Variants in MAPK10 observed in about 807,000 individuals in gnomAD.
MAPK10 encodes mitogen-activated protein kinase 10, also known as JNK3 alpha protein kinase.
MAPK10 carries 25 observed loss-of-function variants against 59.3 expected under a neutral mutation model. That is an observed-to-expected ratio of 0.42 (90% CI 0.31 to 0.59). MAPK10 has a LOEUF of 0.59. Ranked by LOEUF, MAPK10 falls within the 20% of genes least tolerant of loss-of-function variation. MAPK10 has a pLI of 0.15. For synonymous variants in MAPK10, 190 were observed against 200.5 expected (o/e 0.95, Z 0.44); for missense variants, 351 against 568.9 (o/e 0.62, Z 3.90).
At chr4:86,423,675 G>A (rs1746824289) in intron 1 of MAPK10, among the ~76,000 whole-genome samples, 1 of 150,550 alleles carries the variant, frequency 6.6e-6, no homozygotes, top group African/African-American at 2.4e-5. Flanking sequence ...GCATGAGAAT[G>A]GTGTGAGACT....
intron 1 of MAPK10, among the ~76,000 whole-genome samples, chr4:86,367,816 C>G (rs1339929092): frequency 6.6e-6 from 1 of 152,028 alleles, no homozygotes; most frequent in Non-Finnish European, 1.5e-5. Context: ...TGCAGGAACA[C>G]AGAATCCAGT....
In MAPK10 at chr4:86,045,075, T is replaced by G. The variant is rs1046096925; in HGVS notation, c.1111-13644A>C. Reference sequence around the variant, plus strand: ...TGCAAATTTTAATTATGATCTGAACTGAGTGTAATTAGAAAGCTTAATTAC... The same window carrying G: ...TGCAAATTTTAATTATGATCTGAACGGAGTGTAATTAGAAAGCTTAATTAC... On this transcript the variant is annotated intron_variant, in intron 11 of 13. Coordinates refer to ENST00000641462, the MANE Select transcript of MAPK10 (RefSeq NM_138982.4). Among the ~76,000 whole-genome samples the G allele has an allele frequency of 2.0e-5, 3 of 152,234 alleles. No homozygotes were observed. In the East Asian group the frequency reaches 5.8e-4, roughly 29 times the overall value.
At chr4:86,211,282 A>AATTAAAATGT (rs2085730597) in intron 2 of MAPK10, among the ~76,000 whole-genome samples, 2 of 152,118 alleles carry the variant, frequency 1.3e-5, no homozygotes, top group Non-Finnish European at 2.9e-5. Context: ...GACACATTAA[A>AATTAAAATGT]ATTAAAATGT....
chr4:86,431,211 A>G (rs1268132987), intron 1 of MAPK10, among the ~76,000 whole-genome samples: 1 of 152,230 alleles, frequency 6.6e-6, no homozygotes, highest in Non-Finnish European at 1.5e-5. Context: ...CAAAGAGCTA[A>G]TTCCAATAAT....
At chr4:86,353,918 A>G (rs1466575753) in intron 2 of MAPK10, among the ~76,000 whole-genome samples, 1 of 152,188 alleles carries the variant, frequency 6.6e-6, no homozygotes. Context: ...TTAAAAAGAC[A>G]TTCTACCTGT....
chr4:86,322,154 A>G (rs1451803859), intron 2 of MAPK10: 1 of 152,254 alleles, frequency 6.6e-6, no homozygotes, highest in Non-Finnish European at 1.5e-5. Flanking sequence ...ATGTTTAAGC[A>G]GCACTGTAGC....
intron 3 of MAPK10, among the ~76,000 whole-genome samples, chr4:86,169,867 C>T (rs1214771361): frequency 2.8e-4 from 43 of 152,026 alleles, no homozygotes; most frequent in Non-Finnish European, 5.9e-4. Flanking sequence ...GCGGATCTCT[C>T]GGCAGAAACC....
chr4:86,320,780 A>G (rs2095873591), intron 2 of MAPK10, among the ~76,000 whole-genome samples: 1 of 152,118 alleles, frequency 6.6e-6, no homozygotes, highest in Admixed American at 6.6e-5. Flanking sequence ...TAGGGTTTTT[A>G]TGGTTTTCGG....
chr4:86,245,265 T>A (rs1295895025), intron 2 of MAPK10, among the ~76,000 whole-genome samples: 1 of 151,976 alleles, frequency 6.6e-6, no homozygotes, highest in Admixed American at 6.6e-5. Flanking sequence ...ACTGTATACA[T>A]GGTTCTATAC....
At chr4:86,191,897 A>T (rs1188741725) in intron 3 of MAPK10, 1 of 151,846 alleles carries the variant, frequency 6.6e-6, no homozygotes, top group Non-Finnish European at 1.5e-5. Context: ...ATGTTTTTTC[A>T]GTGGCTGGTA....
rs141474973 is a variant in MAPK10 at position 86,221,184 on chromosome 4, C to T, written c.-6-26777G>A. 2.6e-5 allele frequency among the ~76,000 whole-genome samples: 4 copies of T among 152,252 alleles called. No individual in the cohort carries two copies. In the East Asian group the frequency reaches 7.7e-4, roughly 29 times the overall value. ...GAAAGACAAAATGGAGAAGTGATAA[C>T]AGGCTAGGACCAAACTAAACAGAAG... On this transcript the variant is annotated intron_variant, in intron 2 of 13. Transcript: ENST00000641462.
intron 1 of MAPK10, among the ~76,000 whole-genome samples, chr4:86,557,135 A>T (rs1760330651): frequency 6.6e-6 from 1 of 152,118 alleles, no homozygotes; most frequent in Non-Finnish European, 1.5e-5. Flanking sequence ...ATTAAAAAAA[A>T]ATGAGTAAAA....
intron 1 of MAPK10, among the ~76,000 whole-genome samples, chr4:86,430,980 G>C (rs1314536573): frequency 2.0e-5 from 3 of 151,944 alleles, no homozygotes; most frequent in African/African-American, 7.3e-5. Flanking sequence ...ACAGAAACAG[G>C]AATAAAAGCC....
At chr4:86,337,644 C>G (rs2148930015) in intron 2 of MAPK10, among the ~76,000 whole-genome samples, 1 of 152,276 alleles carries the variant, frequency 6.6e-6, no homozygotes. Context: ...TGTATAAGTG[C>G]CTGGATCAAG....
intron 1 of MAPK10, among the ~76,000 whole-genome samples, chr4:86,537,079 G>A (rs1758302544): frequency 6.6e-6 from 1 of 152,174 alleles, no homozygotes; most frequent in African/African-American, 2.4e-5. Flanking sequence ...AACCTCAGTA[G>A]GATGAAGAGG....
chr4:86,077,937 C>G lies in MAPK10; in HGVS notation c.803-9982G>C, dbSNP rs141273825. Among the ~76,000 whole-genome samples, 213 of 152,194 alleles carry G rather than the reference C, an allele frequency of 1.4e-3. 1 individual carries two copies. Among genetic ancestry groups the G allele is most frequent in the African/African-American group, 4.2e-3 (175 of 41,516 alleles). On this transcript the variant is annotated intron_variant, in intron 9 of 13. Coordinates refer to ENST00000641462, the MANE Select transcript of MAPK10 (RefSeq NM_138982.4). ...CAGTTAGTAATGTCTGCAACAGATG[C>G]ACAATAAGGAAATTGAAGCACATAT... is the stretch of plus-strand genomic sequence containing the variant.
intron 2 of MAPK10, among the ~76,000 whole-genome samples, chr4:86,282,918 G>C (rs796887960): frequency 6.6e-6 from 1 of 152,070 alleles, no homozygotes; most frequent in African/African-American, 2.4e-5. Flanking sequence ...TTTATATTTT[G>C]ATAAAGACAA....
intron 2 of MAPK10, among the ~76,000 whole-genome samples, chr4:86,328,426 T>C (rs982981706): frequency 1.2e-4 from 18 of 152,152 alleles, no homozygotes; most frequent in African/African-American, 4.3e-4. Flanking sequence ...GTTCAACTAT[T>C]GTGGAAGACA....
intron 4 of MAPK10, among the ~76,000 whole-genome samples, chr4:86,110,713 G>A (rs964340765): frequency 4.6e-5 from 7 of 151,938 alleles, no homozygotes; most frequent in Non-Finnish European, 7.4e-5. Context: ...CTTGGCTATT[G>A]GGCTCTTTTT....
Sources: allele counts gnomAD v4.1 joint callset (sites outside exome capture counted in the v4.1 genomes callset), GRCh38; gene constraint gnomAD v4.1.1; transcripts MANE v1.5; gene names NCBI Gene and HGNC (gene_info 2026-07-23, HGNC 2026-07-21).